The following SCHIP1 variants were observed in gnomAD, a reference collection of about 807,000 sequenced individuals.
The protein encoded by SCHIP1 is schwannomin interacting protein 1, also known as schwannomin-interacting protein 1.
A neutral mutation model predicts 29.7 loss-of-function variants in SCHIP1; 8 were observed. That is an observed-to-expected ratio of 0.27 (90% CI 0.16 to 0.49). SCHIP1 has a LOEUF of 0.49. Ranked by LOEUF, SCHIP1 falls within the 20% of genes least tolerant of loss-of-function variation. The pLI is 0.99. For missense variants in SCHIP1, 193 were observed against 294.6 expected (o/e 0.66, Z 2.52); for synonymous variants, 76 against 94.9 (o/e 0.80, Z 1.16).
the SCHIP1 span, among the ~76,000 whole-genome samples, chr3:159,389,611 GA>G: frequency 6.6e-6 from 1 of 151,826 alleles, no homozygotes; most frequent in Non-Finnish European, 1.5e-5. Flanking sequence ...GTTTCTGATA[GA>G]AAAAAATGGA....
the SCHIP1 span, among the ~76,000 whole-genome samples, chr3:159,338,565 A>T: frequency 6.6e-6 from 1 of 151,786 alleles, no homozygotes. Flanking sequence ...TTGAGAAGAG[A>T]AGTGATGTGA....
chr3:159,344,154 T>A, the SCHIP1 span, among the ~76,000 whole-genome samples: 1 of 151,924 alleles, frequency 6.6e-6, no homozygotes, highest in Non-Finnish European at 1.5e-5. Context: ...CCAACATGTC[T>A]CTACTAAAAG....
At chr3:159,333,789 AT>A in the SCHIP1 span, among the ~76,000 whole-genome samples, 2 of 151,314 alleles carry the variant, frequency 1.3e-5, no homozygotes, top group Non-Finnish European at 2.9e-5. Context: ...TGGAAAAAAA[AT>A]ATTTCATATT....
At chr3:159,567,703 C>T in the SCHIP1 span, among the ~76,000 whole-genome samples, 1 of 152,124 alleles carries the variant, frequency 6.6e-6, no homozygotes, top group Non-Finnish European at 1.5e-5. Flanking sequence ...GCTATGTATA[C>T]ATACACAAAT....
the SCHIP1 span, among the ~76,000 whole-genome samples, chr3:159,629,986 A>C: frequency 3.3e-5 from 5 of 152,208 alleles, no homozygotes; most frequent in Admixed American, 6.5e-5. Context: ...AAGTCAGGGA[A>C]GGCTGGGATT....
chr3:159,505,075 G>A, the SCHIP1 span, among the ~76,000 whole-genome samples: 6 of 152,258 alleles, frequency 3.9e-5, no homozygotes, highest in Non-Finnish European at 7.4e-5. Context: ...AGCAAGGTGC[G>A]TTTGCTCATA....
At chr3:159,764,371 G>T in the SCHIP1 span, 1 of 1,499,688 alleles carries the variant, frequency 6.7e-7, no homozygotes, top group African/African-American at 1.4e-5. This position sits in a 1 kb window ranked among gnomAD's most constrained non-coding sequence, Gnocchi z 6.1. Flanking sequence ...CTGAGCCGGG[G>T]CATTTGGGGC....
At chr3:159,753,719 C>T in the SCHIP1 span, among the ~76,000 whole-genome samples, 429 of 152,318 alleles carry the variant, frequency 2.8e-3, 4 homozygotes, top group African/African-American at 9.8e-3. Context: ...CTTTCACAAT[C>T]CTTGAGTGGC....
At chr3:159,421,878 C>A in the SCHIP1 span, among the ~76,000 whole-genome samples, 44 of 152,250 alleles carry the variant, frequency 2.9e-4, no homozygotes, top group Non-Finnish European at 5.1e-4. Context: ...TTCTCTCAAG[C>A]CCCTCAAGAA....
At chr3:159,887,685 G>A (rs1358869834) in intron 3 of SCHIP1, 23 bp from the exon 5 acceptor site, 3 of 1,613,326 alleles carry the variant, frequency 1.9e-6, no homozygotes, top group Non-Finnish European at 2.5e-6. Flanking sequence ...GGAAGGCTCA[G>A]GCTGCTCTTT....
At chr3:159,308,776 T>C in the SCHIP1 span, among the ~76,000 whole-genome samples, 1 of 152,148 alleles carries the variant, frequency 6.6e-6, no homozygotes, top group Non-Finnish European at 1.5e-5. Context: ...TATGCAGCAA[T>C]GGTAGATTGG....
the SCHIP1 span, among the ~76,000 whole-genome samples, chr3:159,680,144 A>G: frequency 2.6e-5 from 4 of 151,990 alleles, no homozygotes; most frequent in African/African-American, 4.8e-5. Flanking sequence ...TTTCACCACC[A>G]TATCCCCAGC....
chr3:159,519,791 G>A, the SCHIP1 span, among the ~76,000 whole-genome samples: 7 of 151,810 alleles, frequency 4.6e-5, no homozygotes, highest in Admixed American at 4.6e-4. Context: ...TGGGGGTTAG[G>A]AGGAGGGTAG....
the SCHIP1 span, among the ~76,000 whole-genome samples, chr3:159,530,581 A>G: frequency 6.6e-6 from 1 of 152,022 alleles, no homozygotes; most frequent in Non-Finnish European, 1.5e-5. Context: ...CCTCTTCACC[A>G]TGGTATGTAC....
chr3:159,691,545 CTT>C, the SCHIP1 span, among the ~76,000 whole-genome samples: 1 of 150,666 alleles, frequency 6.6e-6, no homozygotes, highest in Admixed American at 6.7e-5. Flanking sequence ...GGTCTTGACT[CTT>C]TTTTCAATTC....
chr3:159,379,438 G>T, the SCHIP1 span, among the ~76,000 whole-genome samples: 1 of 152,154 alleles, frequency 6.6e-6, no homozygotes, highest in Non-Finnish European at 1.5e-5. Context: ...GGCCAGGCTG[G>T]TCTCAAACTC....
At chr3:159,656,794 T>C in the SCHIP1 span, among the ~76,000 whole-genome samples, 16 of 152,194 alleles carry the variant, frequency 1.1e-4, no homozygotes, top group African/African-American at 3.9e-4. Flanking sequence ...TTCTCCATTT[T>C]ACAGGTGAAA....
chr3:159,638,995 C>A, the SCHIP1 span, among the ~76,000 whole-genome samples: 1 of 151,876 alleles, frequency 6.6e-6, no homozygotes, highest in East Asian at 1.9e-4. Flanking sequence ...TTCTGAATGA[C>A]CTAGACATTT....
chr3:159,482,037 A>C, the SCHIP1 span, among the ~76,000 whole-genome samples: 1 of 152,156 alleles, frequency 6.6e-6, no homozygotes, highest in South Asian at 2.1e-4. Flanking sequence ...GCATGGGTGC[A>C]TGCATGGATG....
Sources: allele counts gnomAD v4.1 joint callset (sites outside exome capture counted in the v4.1 genomes callset), GRCh38; gene constraint gnomAD v4.1.1; non-coding constraint Gnocchi (gnomAD v3.1); transcripts MANE v1.5; gene names NCBI Gene and HGNC (gene_info 2026-07-23, HGNC 2026-07-21).